Variants in LONRF1 observed in about 807,000 individuals in gnomAD.
The protein encoded by LONRF1 is LON peptidase N-terminal domain and ring finger 1.
In LONRF1, 37 loss-of-function variants were observed where a neutral mutation model predicts 85.8. That is an observed-to-expected ratio of 0.43 (90% CI 0.33 to 0.57). LONRF1 has a LOEUF of 0.57. Ranked by LOEUF, LONRF1 falls within the 20% of genes least tolerant of loss-of-function variation. LONRF1 has a pLI of 0.04. For synonymous variants in LONRF1, 517 were observed against 390.1 expected (o/e 1.33, Z -3.83); for missense variants, 1,036 against 978.0 (o/e 1.06, Z -0.79).
intron 10 of LONRF1, 39 bp from the exon 11 acceptor site, chr8:12,725,918 C>T (rs755112315): frequency 7.6e-6 from 12 of 1,579,694 alleles, no homozygotes; most frequent in South Asian, 4.4e-5. Context: ...TGTGTCTAAT[C>T]CCCCGTCCAT....
intron 2 of LONRF1, among the ~76,000 whole-genome samples, chr8:12,742,588 C>T (rs1406906391): frequency 1.3e-5 from 2 of 152,116 alleles, no homozygotes; most frequent in Non-Finnish European, 2.9e-5. Context: ...TCCATCTTCA[C>T]AATATGGCAA....
In LONRF1 at chr8:12,743,323, GATT is replaced by G. The variant is rs747437895; in HGVS notation, c.722-44_722-42del. 22 of 1,165,632 alleles carry G rather than the reference GATT, an allele frequency of 1.9e-5. No homozygotes were observed. In the South Asian group the frequency reaches 2.7e-4, roughly 14 times the overall value. The allele number at this position is 1,165,632 out of a possible 1,614,324, so 72.2% of individuals were successfully genotyped here. A position where few individuals can be genotyped will look rare whatever the true frequency, so the allele number is the denominator to read the frequency against. ...TATAAGGATATGATTATTTTTAAAA[GATT>G]ATTACATAATCTACAAAATATGATC... On this transcript the variant is annotated intron_variant, in intron 1 of 11. Coordinates refer to ENST00000398246, the MANE Select transcript of LONRF1 (RefSeq NM_152271.5).
Position 12,755,230 on chromosome 8 carries a change from A to G in LONRF1, c.191T>C (p.Leu64Pro). 8.0e-7 allele frequency: 1 copy of G among 1,243,678 alleles called. No individual in the cohort carries two copies. Among genetic ancestry groups the G allele is most frequent in the Non-Finnish European group, 1.0e-6 (1 of 997,000 alleles). The allele number at this position is 1,243,678 out of a possible 1,614,324, so 77.0% of individuals were successfully genotyped here. Reference protein sequence around the residue: ...RGELLALGGHLKGALEAFAAA... With the variant: ...RGELLALGGHPKGALEAFAAA... ...CGCGAACGCCTCCAGCGCGCCCTTC[A>G]GGTGGCCGCCCAGCGCCAGCAGCTC... is the stretch of plus-strand genomic sequence containing the variant. The change falls in exon 1 of 12, where the codon CTG becomes CCG. Residue 64 changes from leucine to proline, a missense_variant. This residue lies in a region of LONRF1 where 742 missense variants were observed against 614.4 expected (regional missense o/e 1.21). Coordinates refer to ENST00000398246, the MANE Select transcript of LONRF1 (RefSeq NM_152271.5).
chr8:12,731,297 C>T (rs983963293), intron 8 of LONRF1, among the ~76,000 whole-genome samples: 1 of 152,122 alleles, frequency 6.6e-6, no homozygotes, highest in African/African-American at 2.4e-5. Flanking sequence ...CTTCCAATTT[C>T]AATCTCAGAT....
intron 8 of LONRF1, among the ~76,000 whole-genome samples, chr8:12,731,458 C>CT (rs1798526690): frequency 6.6e-6 from 1 of 152,176 alleles, no homozygotes; most frequent in Non-Finnish European, 1.5e-5. Context: ...CGCCCCCTCT[C>CT]TATTTCCCAT....
At chr8:12,742,156 G>A (rs372495784) in intron 2 of LONRF1, among the ~76,000 whole-genome samples, 1 of 152,058 alleles carries the variant, frequency 6.6e-6, no homozygotes, top group African/African-American at 2.4e-5. Flanking sequence ...ACTGACCACT[G>A]CCCTCTTATT....
intron 7 of LONRF1, among the ~76,000 whole-genome samples, 153 bp downstream of exon 7, chr8:12,735,133 T>C (rs1414420685): frequency 2.0e-5 from 3 of 152,166 alleles, no homozygotes; most frequent in Non-Finnish European, 2.9e-5. Flanking sequence ...TCTCCAACAT[T>C]AGCATATGGG....
chr8:12,745,921 C>G (rs140992454), intron 1 of LONRF1, among the ~76,000 whole-genome samples: 1 of 152,298 alleles, frequency 6.6e-6, no homozygotes, highest in African/African-American at 2.4e-5. Flanking sequence ...ACTCCCTGAT[C>G]TTTATCTTTA....
chr8:12,722,905 G>C lies in LONRF1; in HGVS notation c.*191C>G. The C allele has an allele frequency of 3.7e-6, 2 of 535,060 alleles. No homozygotes were observed. Among genetic ancestry groups the C allele is most frequent in the Non-Finnish European group, 6.6e-6 (2 of 303,998 alleles). The allele number at this position is 535,060 out of a possible 1,614,324, so 33.1% of individuals were successfully genotyped here. On this transcript the variant is annotated 3_prime_UTR_variant, in exon 12 of 12. Coordinates refer to ENST00000398246, the MANE Select transcript of LONRF1 (RefSeq NM_152271.5). The stretch of plus-strand genomic sequence containing the variant: ...ACACATTCAATGCGTGTTTTTCTGT[G>C]CAAGTTCTTAGTGGTCTAAATCCTA...
rs764777172 is a variant in LONRF1 at position 12,738,057 on chromosome 8, G to T, written c.1051C>A (p.Pro351Thr). 5.0e-6 allele frequency: 8 copies of T among 1,610,270 alleles called. No individual in the cohort carries two copies. The Admixed American group carries it at 1.3e-4, about 27-fold the overall frequency. Residue 351 changes from proline to threonine, a missense_variant, in exon 4 of 12, where the codon CCT (proline) becomes ACT (threonine). By Grantham distance (38) the Pro-to-Thr change is conservative (BLOSUM62 -1). Coordinates refer to ENST00000398246, the MANE Select transcript of LONRF1 (RefSeq NM_152271.5). ...TCCATCACTGAATGAAAATCAAAAG[G>T]TCTGTTTTTAGTACATGGTAATGAA... The part of the protein sequence containing the change: ...WSSLPCTKNR[P>T]FDFHSVMEES...
chr8:12,730,064 C>T (rs1798469428), intron 8 of LONRF1, among the ~76,000 whole-genome samples: 1 of 152,136 alleles, frequency 6.6e-6, no homozygotes, highest in African/African-American at 2.4e-5. Flanking sequence ...TATTTTCAGA[C>T]ATAAGCAGGC....
At chr8:12,751,608 C>G (rs4831795) in intron 1 of LONRF1, among the ~76,000 whole-genome samples, 144,416 of 151,400 alleles carry the variant, frequency 0.95, 69,247 homozygotes, top group East Asian at 1. Context: ...CCTGGTCAAG[C>G]ATTACAGAAT....
chr8:12,739,727 C>G (rs1192996529), intron 3 of LONRF1, among the ~76,000 whole-genome samples: 2 of 152,106 alleles, frequency 1.3e-5, no homozygotes, highest in Non-Finnish European at 2.9e-5. Flanking sequence ...CAAATAGTTA[C>G]AGAAATAGAA....
At chr8:12,739,645 T>C (rs1014265339) in intron 3 of LONRF1, among the ~76,000 whole-genome samples, 12 of 152,182 alleles carry the variant, frequency 7.9e-5, no homozygotes, top group African/African-American at 2.9e-4. Flanking sequence ...TTAGAAAAAG[T>C]ATATTGGAGA....
At chr8:12,740,434 A>T (rs1239625285) in intron 3 of LONRF1, among the ~76,000 whole-genome samples, 1 of 152,178 alleles carries the variant, frequency 6.6e-6, no homozygotes, top group Non-Finnish European at 1.5e-5. Context: ...AATAGAACAA[A>T]GTATGGAAAG....
In LONRF1 at chr8:12,736,781, G is replaced by A. The variant is rs780336486; in HGVS notation, c.1371C>T (p.Val457=). 17 of 1,608,118 alleles carry A rather than the reference G, an allele frequency of 1.1e-5. 1 individual carries two copies. In the South Asian group the frequency reaches 1.3e-4, roughly 13 times the overall value. Residue 457 remains valine, a synonymous_variant, in exon 6 of 12, where the codon GTC becomes GTT. Transcript: ENST00000398246. ...LKKQGETPNE[V]CMFSLAYGDI... is the part of the protein sequence containing the mutation. ...CACCATAAGCTAAGGAAAACATACA[G>A]ACTTCATTGGGAGTTTCTATTAAAA...
At chr8:12,724,902 A>C (rs1324276966) in intron 11 of LONRF1, among the ~76,000 whole-genome samples, 1 of 152,208 alleles carries the variant, frequency 6.6e-6, no homozygotes, top group Non-Finnish European at 1.5e-5. Flanking sequence ...ACAAATGTAG[A>C]CCAACCCTTG....
chr8:12,737,255 C>A, intron 4 of LONRF1, 115 bp from the exon 5 acceptor site: 1 of 1,211,908 alleles, frequency 8.3e-7, no homozygotes, highest in South Asian at 1.3e-5. Context: ...TTTTAATGTT[C>A]ATTTAATAGC....
chr8:12,749,306 G>C (rs1484567116), intron 1 of LONRF1, among the ~76,000 whole-genome samples: 1 of 152,098 alleles, frequency 6.6e-6, no homozygotes, highest in African/African-American at 2.4e-5. Flanking sequence ...ACAACAGACA[G>C]CACAAAGGTG....
Sources: allele counts gnomAD v4.1 joint callset (sites outside exome capture counted in the v4.1 genomes callset), GRCh38; gene constraint gnomAD v4.1.1; regional missense constraint gnomAD v4.1.1; transcripts MANE v1.5; gene names NCBI Gene and HGNC (gene_info 2026-07-23, HGNC 2026-07-21).